SQOR: variants seen among roughly 807,000 people sequenced by gnomAD.
SQOR encodes sulfide quinone oxidoreductase, also known as sulfide:quinone oxidoreductase, mitochondrial.
A neutral mutation model predicts 48.6 loss-of-function variants in SQOR; 39 were observed. The observed-to-expected ratio is 0.80, with a 90% CI of 0.62 to 1.05. The LOEUF (loss-of-function observed/expected upper bound fraction) is 1.05, where lower values mean the gene tolerates loss of function less well. Among genes scored for constraint, SQOR ranks in the 50% least tolerant of loss-of-function variants. The probability of loss-of-function intolerance (pLI) is 0.00; values close to 1 mark genes in which losing one functional copy is unlikely to be tolerated. For synonymous variants in SQOR, 220 were observed against 206.2 expected (o/e 1.07, Z -0.57); for missense variants, 561 against 559.9 (o/e 1.00, Z -0.02).
intron 7 of SQOR, 101 bp downstream of exon 7, chr15:45,682,762 T>C (rs1595509828): frequency 7.2e-7 from 1 of 1,386,038 alleles, no homozygotes; most frequent in Non-Finnish European, 9.9e-7. Flanking sequence ...AGACGGTGGT[T>C]CCTGCCTGTA....
At chr15:45,672,542 G>C (rs1053376011) in intron 4 of SQOR, among the ~76,000 whole-genome samples, 3 of 152,102 alleles carry the variant, frequency 2.0e-5, no homozygotes, top group Non-Finnish European at 4.4e-5. Context: ...TAAGTGTCTG[G>C]AGTGACTTTG....
At chr15:45,673,286 A>G (rs1458570106) in intron 4 of SQOR, among the ~76,000 whole-genome samples, 1 of 152,180 alleles carries the variant, frequency 6.6e-6, no homozygotes, top group African/African-American at 2.4e-5. Context: ...CCAGTGAGGC[A>G]ACTGGGTCTC....
At position 45,691,273 on chromosome 15, in the gene SQOR, T is replaced by A. The variant is rs563412792; in HGVS notation, c.*243T>A. ...TACTTTTATTTTCTGAATAAAAGTT[T>A]GTCACTGATTGTGTTCTATGAGAAA... On this transcript the variant is annotated 3_prime_UTR_variant, in exon 10 of 10. Coordinates refer to ENST00000260324, the MANE Select transcript of SQOR (RefSeq NM_021199.4). The A allele has an allele frequency of 6.1e-6, 3 of 490,196 alleles. No homozygotes were observed. Among genetic ancestry groups the A allele is most frequent in the East Asian group, 3.3e-5 (1 of 30,306 alleles). 30.4% of individuals were successfully genotyped at this position (490,196 alleles called of 1,614,324 possible). A position where few individuals can be genotyped will look rare whatever the true frequency, so the allele number is the denominator to read the frequency against.
chr15:45,640,464 G>A (rs1266545672), intron 1 of SQOR, among the ~76,000 whole-genome samples: 2 of 152,132 alleles, frequency 1.3e-5, no homozygotes, highest in South Asian at 4.1e-4. Flanking sequence ...CACCAGGAAC[G>A]GGTCATTGTC....
At chr15:45,688,494 C>T in intron 8 of SQOR, 90 bp downstream of exon 8, 9 of 926,208 alleles carry the variant, frequency 9.7e-6, no homozygotes, top group South Asian at 3.6e-5. Context: ...CACTTTCTGT[C>T]TTTTCTTTTT....
chr15:45,661,840 C>G (rs372162712), intron 2 of SQOR, 115 bp from the exon 3 acceptor site: 3 of 1,100,768 alleles, frequency 2.7e-6, no homozygotes, highest in Non-Finnish European at 3.8e-6. Context: ...CTTTTCCATA[C>G]GATGCTCTAA....
intron 1 of SQOR, among the ~76,000 whole-genome samples, chr15:45,654,115 C>CAAAAA (rs60006729): frequency 9.3e-6 from 1 of 107,902 alleles, no homozygotes; most frequent in Non-Finnish European, 1.9e-5. Context: ...GAGTGAGACT[C>CAAAAA]AAAAAAAAAA....
At chr15:45,670,364 G>A (rs1595504792) in intron 4 of SQOR, among the ~76,000 whole-genome samples, 1 of 152,278 alleles carries the variant, frequency 6.6e-6, no homozygotes, top group East Asian at 1.9e-4. Flanking sequence ...CAGACTTTAA[G>A]GGGTGGAACA....
intron 2 of SQOR, 88 bp downstream of exon 2, chr15:45,659,245 G>A: frequency 2.6e-6 from 3 of 1,160,058 alleles, no homozygotes; most frequent in Non-Finnish European, 3.5e-6. Flanking sequence ...GGTTGGATAT[G>A]ACTATCAAGC....
chr15:45,685,460 CTCCTT>C (rs1890206450), intron 7 of SQOR, among the ~76,000 whole-genome samples: 1 of 152,220 alleles, frequency 6.6e-6, no homozygotes, highest in South Asian at 2.1e-4. Flanking sequence ...CCCCAGGATG[CTCCTT>C]TAATTACTCC....
chr15:45,664,735 G>A (rs936181527), intron 3 of SQOR, among the ~76,000 whole-genome samples: 6 of 152,078 alleles, frequency 3.9e-5, no homozygotes, highest in Non-Finnish European at 7.4e-5. Context: ...CCACGATCAA[G>A]TCAGGCTTCC....
chr15:45,690,367 C>T (rs1890301428), intron 9 of SQOR, among the ~76,000 whole-genome samples: 1 of 152,180 alleles, frequency 6.6e-6, no homozygotes, highest in African/African-American at 2.4e-5. Context: ...CACCCAGCCA[C>T]TCTTCTGCAT....
rs543739706 is a variant in SQOR, at chr15:45,668,018, C to T, written c.406-1910C>T. 2.6e-3 allele frequency among the ~76,000 whole-genome samples: 363 copies of T among 142,132 alleles called. 3 individuals are homozygous for T. Among genetic ancestry groups the T allele is most frequent in the Non-Finnish European group, 3.5e-3 (235 of 66,424 alleles). The allele number at this position is 142,132 out of a possible 152,430, so 93.2% of individuals were successfully genotyped here. A position where few individuals can be genotyped will look rare whatever the true frequency, so the allele number is the denominator to read the frequency against. On this transcript the variant is annotated intron_variant, in intron 3 of 9. Coordinates refer to ENST00000260324, the MANE Select transcript of SQOR (RefSeq NM_021199.4). ...GGAGTGCAGTGGCGTGATCTTGGCTCACTGCAACCTCTACCTCCTGGATTC... is the reference window on the plus strand; with the variant it reads ...GGAGTGCAGTGGCGTGATCTTGGCTTACTGCAACCTCTACCTCCTGGATTC...
At chr15:45,649,899 C>A (rs1054020274) in intron 1 of SQOR, among the ~76,000 whole-genome samples, 1 of 152,062 alleles carries the variant, frequency 6.6e-6, no homozygotes, top group Non-Finnish European at 1.5e-5. Flanking sequence ...GTCACCCAGG[C>A]TGGCGTGACC....
chr15:45,667,941 C>CTTTTTTTTTTTT (rs1204451548), intron 3 of SQOR, among the ~76,000 whole-genome samples: 33 of 103,272 alleles, frequency 3.2e-4, no homozygotes, highest in African/African-American at 4.3e-4. Flanking sequence ...TTCTTTCTTT[C>CTTTTTTTTTTTT]TTTTTTTTTT....
chr15:45,688,588 C>T (rs1012681245), intron 8 of SQOR, among the ~76,000 whole-genome samples, 184 bp downstream of exon 8: 2 of 151,512 alleles, frequency 1.3e-5, no homozygotes, highest in Non-Finnish European at 2.9e-5. Context: ...CTCAGCTCAC[C>T]GCAACCTCCA....
chr15:45,689,609 G>A (rs1890286834), intron 9 of SQOR, among the ~76,000 whole-genome samples: 4 of 151,774 alleles, frequency 2.6e-5, no homozygotes, highest in Non-Finnish European at 5.9e-5. Flanking sequence ...GTAGAGACGG[G>A]TCTCTACTAA....
intron 1 of SQOR, among the ~76,000 whole-genome samples, chr15:45,636,860 A>G (rs1461602132): frequency 1.3e-5 from 2 of 152,202 alleles, no homozygotes; most frequent in African/African-American, 4.8e-5. Flanking sequence ...AAGATGTAAA[A>G]TACTTTTCCA....
At position 45,669,997 on chromosome 15, in the gene SQOR, G is replaced by GTT; in HGVS notation, c.459+18_459+19dup. The GTT allele has an allele frequency of 1.2e-6, 2 of 1,613,036 alleles. No individual in the cohort carries two copies. Among genetic ancestry groups the GTT allele is most frequent in the Non-Finnish European group, 1.7e-6 (2 of 1,179,078 alleles). ...CTATGAGAAGGTACCGTGTGAAACT[G>GTT]TTTCTGTGTTACGCTGGCTTATCTA... On this transcript the variant is annotated intron_variant, in intron 4 of 9. Coordinates refer to ENST00000260324, the MANE Select transcript of SQOR (RefSeq NM_021199.4).
Sources: gnomAD v4.1 joint callset for allele counts (sites outside exome capture counted in the v4.1 genomes callset) on GRCh38, gnomAD v4.1.1 for gene constraint, MANE v1.5 for transcripts, NCBI Gene and HGNC (gene_info 2026-07-23, HGNC 2026-07-21) for gene names.